OR52E5: variants seen among roughly 807,000 people sequenced by gnomAD.
OR52E5 encodes the protein olfactory receptor family 52 subfamily E member 5, also known as olfactory receptor 52E5.
In OR52E5 at chr11:5,901,792, T is replaced by A. The variant is rs1847258908; in HGVS notation, c.*32T>A. 2.5e-6 allele frequency: 1 copy of A among 399,042 alleles called. No individual in the cohort carries two copies. The highest frequency in any genetic ancestry group is 4.4e-6 in the Non-Finnish European group (1 of 225,744). The allele number at this position is 399,042 out of a possible 1,614,324, so 24.7% of individuals were successfully genotyped here. A position where few individuals can be genotyped will look rare whatever the true frequency, so the allele number is the denominator to read the frequency against. Reference sequence around the variant, plus strand: ...CATAACAAAATAAACACTGGAAACATTTTTTTTACTACTTCTCTTGCATTC... The same window carrying A: ...CATAACAAAATAAACACTGGAAACAATTTTTTTACTACTTCTCTTGCATTC... On this transcript the variant is annotated 3_prime_UTR_variant, in exon 3 of 3. Coordinates refer to ENST00000610445, the MANE Select transcript of OR52E5 (RefSeq NM_001005166.5).
At chr11:5,896,676 A>G (rs1847180576) in intron 2 of OR52E5, among the ~76,000 whole-genome samples, 1 of 152,130 alleles carries the variant, frequency 6.6e-6, no homozygotes, top group Non-Finnish European at 1.5e-5. Context: ...GTGGAAAGTA[A>G]TCACACCACA....
At chr11:5,897,366 A>G (rs1311122878) in intron 2 of OR52E5, among the ~76,000 whole-genome samples, 1 of 152,200 alleles carries the variant, frequency 6.6e-6, no homozygotes, top group Non-Finnish European at 1.5e-5. Flanking sequence ...TCTCCCACTT[A>G]TAAGTGAGAA....
Position 5,900,785 on chromosome 11 carries a change from T to C in OR52E5, c.9T>C (p.His3=), listed in dbSNP as rs1276031462. The change falls in exon 3 of 3, where the codon CAT becomes CAC. Residue 3 remains histidine (H), a synonymous_variant. Transcript: ENST00000610445. The part of the protein sequence containing the change: ML[H]TNNTQFHPST... ...AGGGAATGGCCACCAATATGCTTCA[T>C]ACCAACAATACACAGTTTCACCCTT... is the stretch of plus-strand genomic sequence containing the variant. 7.5e-6 allele frequency: 3 copies of C among 400,964 alleles called. No homozygotes were observed. The highest frequency in any genetic ancestry group is 2.1e-5 in the African/African-American group (1 of 48,680). 24.8% of individuals were successfully genotyped at this position (400,964 alleles called of 1,614,324 possible).
chr11:5,896,421 A>T (rs1590402349), intron 2 of OR52E5, among the ~76,000 whole-genome samples: 1 of 8,586 alleles, frequency 1.2e-4, no homozygotes, highest in Non-Finnish European at 5.6e-4. Context: ...ACACTGTGTC[A>T]AAAAAAAAAA....
At position 5,894,993 on chromosome 11, in the gene OR52E5, C is replaced by T. The variant is rs573635024; in HGVS notation, c.-227-639C>T. 5.6e-3 allele frequency among the ~76,000 whole-genome samples: 854 copies of T among 152,042 alleles called. 8 individuals are homozygous for T. Among genetic ancestry groups the T allele is most frequent in the South Asian group, 0.016 (78 of 4,828 alleles). ...GTTCTCAGAAAATACTTATGATAATCTGATTTCAAAAATTATTTTAATTGC... is the reference window on the plus strand; with the variant it reads ...GTTCTCAGAAAATACTTATGATAATTTGATTTCAAAAATTATTTTAATTGC... On this transcript the variant is annotated intron_variant, in intron 1 of 2. Coordinates refer to ENST00000610445, the MANE Select transcript of OR52E5 (RefSeq NM_001005166.5).
chr11:5,901,448 C>A lies in OR52E5; in HGVS notation c.672C>A (p.Val224=). 1 of 401,710 alleles carries A rather than the reference C, an allele frequency of 2.5e-6. No homozygotes were observed. The highest frequency in any genetic ancestry group is 1.3e-4 in the South Asian group (1 of 7,942). The allele number at this position is 401,710 out of a possible 1,614,324, so 24.9% of individuals were successfully genotyped here. Residue 224 remains valine, a synonymous_variant, in exon 3 of 3, where the codon GTC becomes GTA. Transcript: ENST00000610445. The part of the protein sequence containing the change: ...GFSYVQILRA[V]FHLPAWDARP... The stretch of plus-strand genomic sequence containing the variant: ...CCTATGTCCAGATCCTCCGAGCTGT[C>A]TTCCATCTCCCAGCCTGGGATGCCC...
chr11:5,893,636 C>T (rs1847133930), intron 1 of OR52E5, among the ~76,000 whole-genome samples: 1 of 151,904 alleles, frequency 6.6e-6, no homozygotes, highest in Non-Finnish European at 1.5e-5. Context: ...GTGTGGTCTG[C>T]TTTTCAAGAC....
chr11:5,900,169 T>C (rs1036701706), intron 2 of OR52E5, among the ~76,000 whole-genome samples: 8 of 152,136 alleles, frequency 5.3e-5, no homozygotes, highest in Non-Finnish European at 1.0e-4. Flanking sequence ...GGGAGCATTG[T>C]TTTTCTGGAA....
At chr11:5,900,179 A>C (rs955265372) in intron 2 of OR52E5, among the ~76,000 whole-genome samples, 4 of 152,148 alleles carry the variant, frequency 2.6e-5, no homozygotes, top group Non-Finnish European at 4.4e-5. Flanking sequence ...TTTTTCTGGA[A>C]TTATGCAATA....
Position 5,901,719 on chromosome 11 carries a change from G to A in OR52E5, c.943G>A (p.Asp315Asn). The change falls in exon 3 of 3, where the codon GAC becomes AAC. Residue 315 changes from aspartate (D) to asparagine (N), a missense_variant. Coordinates refer to ENST00000610445, the MANE Select transcript of OR52E5 (RefSeq NM_001005166.5). ...CAACCCTAAAAGCTTTTGGCATTTT[G>A]ACCCCAAGAGGATCTTCCACAACAA... Reference protein sequence around the residue: ...ILNPKSFWHFDPKRIFHNNSV... With the variant: ...ILNPKSFWHFNPKRIFHNNSV... 1 of 400,786 alleles carries A rather than the reference G, an allele frequency of 2.5e-6. No homozygotes were observed. The highest frequency in any genetic ancestry group is 4.4e-6 in the Non-Finnish European group (1 of 226,170). The allele number at this position is 400,786 out of a possible 1,614,324, so 24.8% of individuals were successfully genotyped here.
rs762633083 is a variant in OR52E5, at chr11:5,901,538, C to G, written c.762C>G (p.Ala254=). Residue 254 remains alanine (A), a synonymous_variant, in exon 3 of 3, where the codon GCC becomes GCG. Transcript: ENST00000610445. ...TTATGTTGGCTTTCTACCTGCCAGC[C>G]CTCTTTTCCTTCATGACACACCGCT... ...VCVMLAFYLP[A]LFSFMTHRFG... 2 of 401,830 alleles carry G rather than the reference C, an allele frequency of 5.0e-6. No homozygotes were observed. Among genetic ancestry groups the G allele is most frequent in the Non-Finnish European group, 8.8e-6 (2 of 226,382 alleles). The allele number at this position is 401,830 out of a possible 1,614,324, so 24.9% of individuals were successfully genotyped here. A position where few individuals can be genotyped will look rare whatever the true frequency, so the allele number is the denominator to read the frequency against.
chr11:5,902,041 T>A lies in OR52E5; in HGVS notation c.*281T>A, dbSNP rs772095547. ...AATTGTCTTGAATAGCCTTTCCACA[T>A]GAAGATTCTCTGTATTTACATATCC... On this transcript the variant is annotated 3_prime_UTR_variant, in exon 3 of 3. Coordinates refer to ENST00000610445, the MANE Select transcript of OR52E5 (RefSeq NM_001005166.5). The A allele has an allele frequency of 5.8e-5, 15 of 259,584 alleles. No individual in the cohort carries two copies. The highest frequency in any genetic ancestry group is 1.0e-4 in the Non-Finnish European group (14 of 136,818). The allele number at this position is 259,584 out of a possible 1,614,324, so 16.1% of individuals were successfully genotyped here.
rs1564998702 is a variant in OR52E5, at chr11:5,902,176, G to C, written c.*416G>C. ...GTCATAAGATCTAGATTTAAATACA[G>C]GTTATGGCCTTACCTAAAATTTTGA... On this transcript the variant is annotated 3_prime_UTR_variant, in exon 3 of 3. Transcript: ENST00000610445. 2 of 156,026 alleles carry C rather than the reference G, an allele frequency of 1.3e-5. No homozygotes were observed. The highest frequency in any genetic ancestry group is 2.9e-5 in the Non-Finnish European group (2 of 69,934). 9.7% of individuals were successfully genotyped at this position (156,026 alleles called of 1,614,324 possible).
intron 2 of OR52E5, among the ~76,000 whole-genome samples, chr11:5,897,533 A>C (rs1022704527): frequency 6.6e-5 from 10 of 152,172 alleles, no homozygotes; most frequent in African/African-American, 2.4e-4. Context: ...TCTACCACTG[A>C]TGGACACTTA....
rs182235236 is a variant in OR52E5 at position 5,901,975 on chromosome 11, C to T, written c.*215C>T. Reference sequence around the variant, plus strand: ...TTAAGCCCCATGATACTACAAAATGCCTAAAGAGAAACAAAGGCTTTGTAA... The same window carrying T: ...TTAAGCCCCATGATACTACAAAATGTCTAAAGAGAAACAAAGGCTTTGTAA... On this transcript the variant is annotated 3_prime_UTR_variant, in exon 3 of 3. Transcript: ENST00000610445. 1.2e-4 allele frequency: 43 copies of T among 370,578 alleles called. No individual in the cohort carries two copies. The highest frequency in any genetic ancestry group is 8.1e-4 in the African/African-American group (39 of 48,092). The allele number at this position is 370,578 out of a possible 1,614,324, so 23.0% of individuals were successfully genotyped here.
At chr11:5,893,757 C>T (rs933896425) in intron 1 of OR52E5, among the ~76,000 whole-genome samples, 4 of 151,920 alleles carry the variant, frequency 2.6e-5, no homozygotes, top group African/African-American at 4.8e-5. Flanking sequence ...GAGGTCATGT[C>T]GCATCACACA....
At position 5,901,113 on chromosome 11, in the gene OR52E5, G is replaced by A. The variant is rs1847244721; in HGVS notation, c.337G>A (p.Glu113Lys). Residue 113 changes from glutamate to lysine, a missense_variant, in exon 3 of 3, where the codon GAG becomes AAG. Coordinates refer to ENST00000610445, the MANE Select transcript of OR52E5 (RefSeq NM_001005166.5). ...TACCATTCATATATGCACTGGCCTG[G>A]AGTCTGTGGTACTGACAGTCACGGG... Reference protein sequence around the residue: ...MYTIHICTGLESVVLTVTGID... With the variant: ...MYTIHICTGLKSVVLTVTGID... 1 of 401,400 alleles carries A rather than the reference G, an allele frequency of 2.5e-6. No homozygotes were observed. The highest frequency in any genetic ancestry group is 1.3e-4 in the South Asian group (1 of 7,948). The allele number at this position is 401,400 out of a possible 1,614,324, so 24.9% of individuals were successfully genotyped here. A position where few individuals can be genotyped will look rare whatever the true frequency, so the allele number is the denominator to read the frequency against.
chr11:5,900,133 A>T (rs138012940), intron 2 of OR52E5, among the ~76,000 whole-genome samples: 1 of 152,292 alleles, frequency 6.6e-6, no homozygotes, highest in Non-Finnish European at 1.5e-5. Context: ...AACATAATAT[A>T]GTGAAGGGCC....
At chr11:5,898,350 G>A (rs1464525202) in intron 2 of OR52E5, among the ~76,000 whole-genome samples, 2 of 152,112 alleles carry the variant, frequency 1.3e-5, no homozygotes, top group African/African-American at 4.8e-5. Flanking sequence ...TCTGTCAGAT[G>A]CATAGTTTGC....
Sources: allele counts gnomAD v4.1 joint callset (sites outside exome capture counted in the v4.1 genomes callset), GRCh38; gene constraint gnomAD v4.1.1; transcripts MANE v1.5; gene names NCBI Gene and HGNC (gene_info 2026-07-23, HGNC 2026-07-21).